Variants in PTH2R observed in about 807,000 individuals in gnomAD.
PTH2R encodes PTH2 receptor.
Under a neutral mutation model 60.3 loss-of-function variants are expected in PTH2R, and 59 were observed. The ratio of observed to expected loss-of-function variants is 0.98; its 90% CI spans 0.79 to 1.22. PTH2R has a LOEUF of 1.22. Among genes scored for constraint, PTH2R ranks in the 50% most tolerant of loss-of-function variants. PTH2R has a pLI of 0.00. For missense variants in PTH2R, 749 were observed against 682.6 expected, an observed-to-expected ratio of 1.10 and a Z score of -1.08; for synonymous variants, 256 against 243.8, an observed-to-expected ratio of 1.05 and a Z score of -0.47.
intron 9 of PTH2R, among the ~76,000 whole-genome samples, chr2:208,478,412 T>C (rs1703068873): frequency 6.6e-6 from 1 of 152,148 alleles, no homozygotes; most frequent in African/African-American, 2.4e-5. Flanking sequence ...TGGCATTGCA[T>C]GACTCTTGGT....
rs1350510679 is a variant in PTH2R, at chr2:208,479,491, G to A, written c.982-1579G>A. ...TTCACCTCAGCTACATCGTATTGCC[G>A]GTGACTGTTGTCTTAGAGAGACAGG... On this transcript the variant is annotated intron_variant, in intron 9 of 12. Transcript: ENST00000272847. Among the ~76,000 whole-genome samples, 10 of 152,140 alleles carry A rather than the reference G, an allele frequency of 6.6e-5. No homozygotes were observed. In the East Asian group the frequency reaches 7.7e-4, roughly 12 times the overall value.
At chr2:208,406,472 C>T (rs1701408055), upstream of PTH2R, among the ~76,000 whole-genome samples, 1 of 152,180 alleles carries the variant, frequency 6.6e-6, no homozygotes, top group African/African-American at 2.4e-5. Context: ...AGCCTTTAGC[C>T]ATCTTATCGC....
At chr2:208,438,372 G>A (rs1278736810) in intron 4 of PTH2R, among the ~76,000 whole-genome samples, 1 of 152,120 alleles carries the variant, frequency 6.6e-6, no homozygotes, top group African/African-American at 2.4e-5. Flanking sequence ...GGAGCAAGGG[G>A]CATCATATAA....
At chr2:208,435,634 A>G (rs1288733605) in intron 2 of PTH2R, among the ~76,000 whole-genome samples, 1 of 152,182 alleles carries the variant, frequency 6.6e-6, no homozygotes, top group Non-Finnish European at 1.5e-5. Context: ...CTGTCAGCAA[A>G]GAAATGGGGA....
intron 2 of PTH2R, among the ~76,000 whole-genome samples, chr2:208,434,042 A>G (rs975074004): frequency 6.6e-6 from 1 of 152,222 alleles, no homozygotes; most frequent in African/African-American, 2.4e-5. Flanking sequence ...GGCCAGGCGC[A>G]GTGGCTCGTG....
intron 1 of PTH2R, among the ~76,000 whole-genome samples, chr2:208,390,102 C>G (rs1344677174): frequency 6.6e-6 from 1 of 152,158 alleles, no homozygotes; most frequent in Non-Finnish European, 1.5e-5. Flanking sequence ...TTAGATGACC[C>G]TTGTTGCACC....
chr2:208,380,879 A>G (rs1700901202), intron 1 of PTH2R, among the ~76,000 whole-genome samples: 1 of 152,080 alleles, frequency 6.6e-6, no homozygotes, highest in Non-Finnish European at 1.5e-5. Flanking sequence ...CATCTGCTAC[A>G]TCATTGTGTA....
At chr2:208,456,169 G>A (rs1407670242) in intron 8 of PTH2R, among the ~76,000 whole-genome samples, 1 of 151,928 alleles carries the variant, frequency 6.6e-6, no homozygotes, top group Non-Finnish European at 1.5e-5. Context: ...CTGAACTGGG[G>A]AAGCAGAGGC....
chr2:208,451,310 G>A (rs1185752218), intron 8 of PTH2R, among the ~76,000 whole-genome samples: 2 of 152,166 alleles, frequency 1.3e-5, no homozygotes, highest in Non-Finnish European at 2.9e-5. Context: ...TCCTCATAGA[G>A]ATGGAGAGGC....
rs1255342573 is a variant in PTH2R, at chr2:208,438,019, G to A, written c.411+138G>A. 1.0e-5 allele frequency: 12 copies of A among 1,195,576 alleles called. No individual in the cohort carries two copies. In the East Asian group the frequency reaches 3.0e-4, roughly 30 times the overall value. 74.1% of individuals were successfully genotyped at this position (1,195,576 alleles called of 1,614,324 possible). The stretch of plus-strand genomic sequence containing the variant: ...GATCATAAAAGATAAAAGCAATGTT[G>A]CAATCTTTTCAGATGCATATCAATC... On this transcript the variant is annotated intron_variant, in intron 4 of 12. Coordinates refer to ENST00000272847, the MANE Select transcript of PTH2R (RefSeq NM_005048.4).
At chr2:208,492,770 G>A in intron 12 of PTH2R, among the ~76,000 whole-genome samples, 1 of 152,156 alleles carries the variant, frequency 6.6e-6, no homozygotes. Context: ...TGGCAGCACT[G>A]AGCTTTCTCA....
chr2:208,483,740 T>A (rs1184955525), intron 10 of PTH2R, among the ~76,000 whole-genome samples: 1 of 152,230 alleles, frequency 6.6e-6, no homozygotes, highest in Non-Finnish European at 1.5e-5. Flanking sequence ...AAAGTATTTT[T>A]CAGCTAAATA....
chr2:208,361,853 G>C (rs1472858100), intron 1 of PTH2R, among the ~76,000 whole-genome samples: 3 of 151,970 alleles, frequency 2.0e-5, no homozygotes, highest in Non-Finnish European at 2.9e-5. Flanking sequence ...AAATGTTTGA[G>C]TTGTGTGATG....
At chr2:208,377,435 C>A (rs1342438822) in intron 1 of PTH2R, among the ~76,000 whole-genome samples, 1 of 149,456 alleles carries the variant, frequency 6.7e-6, no homozygotes, top group African/African-American at 2.5e-5. Flanking sequence ...TCCTCACTTC[C>A]CAGAAGGGGC....
At chr2:208,426,591 A>G (rs568767173) in intron 1 of PTH2R, among the ~76,000 whole-genome samples, 7 of 152,194 alleles carry the variant, frequency 4.6e-5, no homozygotes, top group African/African-American at 1.2e-4. Context: ...GAAGCAGGGG[A>G]GGTAATGAGA....
At chr2:208,367,638 A>G (rs577557064) in intron 1 of PTH2R, among the ~76,000 whole-genome samples, 37 of 152,104 alleles carry the variant, frequency 2.4e-4, no homozygotes, top group African/African-American at 8.4e-4. Flanking sequence ...CCAAAGTGCT[A>G]GGATTACAGG....
chr2:208,380,906 CT>C (rs1244216124), intron 1 of PTH2R, among the ~76,000 whole-genome samples: 1 of 152,044 alleles, frequency 6.6e-6, no homozygotes, highest in East Asian at 1.9e-4. Flanking sequence ...TTCATTAGTT[CT>C]GCATATTGGT....
chr2:208,383,864 C>A (rs1440969647), intron 1 of PTH2R, among the ~76,000 whole-genome samples: 1 of 152,182 alleles, frequency 6.6e-6, no homozygotes, highest in Non-Finnish European at 1.5e-5. Context: ...CAAGACAGAT[C>A]TCCATGCTGA....
chr2:208,367,767 C>A (rs781213668), intron 1 of PTH2R, among the ~76,000 whole-genome samples: 2 of 152,148 alleles, frequency 1.3e-5, no homozygotes, highest in Non-Finnish European at 2.9e-5. Context: ...TCAAATTAGA[C>A]TCTATGACAA....
Sources: gnomAD v4.1 joint callset for allele counts (sites outside exome capture counted in the v4.1 genomes callset) on GRCh38, gnomAD v4.1.1 for gene constraint, MANE v1.5 for transcripts, NCBI Gene and HGNC (gene_info 2026-07-23, HGNC 2026-07-21) for gene names.